The following CLEC2A variants were observed in gnomAD, a reference collection of about 807,000 sequenced individuals.
The protein encoded by CLEC2A is C-type lectin domain family 2 member A.
A neutral mutation model predicts 18.6 loss-of-function variants in CLEC2A; 19 were observed. That is an observed-to-expected ratio of 1.02 (90% CI 0.71 to 1.50). The LOEUF is 1.50. Ranked by LOEUF, CLEC2A falls within the 40% of genes most tolerant of loss-of-function variation. The pLI is 0.00. For synonymous variants in CLEC2A, 74 were observed against 64.0 expected (o/e 1.16, Z -0.75); for missense variants, 190 against 207.9 (o/e 0.91, Z 0.53).
At chr12:9,929,299 C>G (rs972073313) in intron 1 of CLEC2A, among the ~76,000 whole-genome samples, 1 of 152,082 alleles carries the variant, frequency 6.6e-6, no homozygotes, top group African/African-American at 2.4e-5. Context: ...TTGTACTACA[C>G]TATTGCTAAA....
the CLEC2A span, among the ~76,000 whole-genome samples, chr12:9,890,357 T>A: frequency 2.0e-5 from 3 of 152,200 alleles, no homozygotes; most frequent in Non-Finnish European, 2.9e-5. Context: ...TCACAGGCAA[T>A]GCAGTGTAGA....
In CLEC2A at chr12:9,915,012, GA is replaced by G. The variant is rs563682899; in HGVS notation, c.411-1333del. Among the ~76,000 whole-genome samples, 62 of 150,292 alleles carry G rather than the reference GA, an allele frequency of 4.1e-4. 1 individual carries two copies. The highest frequency in any genetic ancestry group is 1.1e-3 in the African/African-American group (45 of 40,922). ...ACAAGGAACTTAAATAAATTTATAA[GA>G]AAAAAAACATCAAAAAGTAGGCAAA... On this transcript the variant is annotated intron_variant, in intron 4 of 4. Coordinates refer to ENST00000455827, the MANE Select transcript of CLEC2A (RefSeq NM_001130711.2).
downstream of CLEC2A, among the ~76,000 whole-genome samples, chr12:9,912,854 T>G (rs988935263): frequency 6.6e-6 from 1 of 152,210 alleles, no homozygotes; most frequent in African/African-American, 2.4e-5. Flanking sequence ...GCTTCCCACC[T>G]GCCTGTCTCA....
intron 2 of CLEC2A, among the ~76,000 whole-genome samples, chr12:9,923,524 T>A (rs376758388): frequency 6.6e-6 from 1 of 152,144 alleles, no homozygotes; most frequent in Non-Finnish European, 1.5e-5. Context: ...GTGTGGCGAT[T>A]CCTCAGGGAT....
At chr12:9,892,975 G>C in the CLEC2A span, 3 of 1,424,030 alleles carry the variant, frequency 2.1e-6, no homozygotes, top group Non-Finnish European at 2.8e-6. Context: ...TATCTTCCCT[G>C]TTGGCTGTAA....
intron 3 of CLEC2A, among the ~76,000 whole-genome samples, chr12:9,920,156 G>T (rs937079223): frequency 3.3e-5 from 5 of 152,208 alleles, no homozygotes; most frequent in Non-Finnish European, 5.9e-5. Flanking sequence ...GTCCTATCCT[G>T]TGAGATGCCA....
At chr12:9,926,524 G>A (rs551703922) in intron 1 of CLEC2A, among the ~76,000 whole-genome samples, 181 bp from the exon 2 acceptor site, 1 of 152,276 alleles carries the variant, frequency 6.6e-6, no homozygotes, top group East Asian at 1.9e-4. Flanking sequence ...ACCAAAAAAT[G>A]ATTGCTATAG....
the CLEC2A span, among the ~76,000 whole-genome samples, chr12:9,878,770 T>C: frequency 6.6e-6 from 1 of 152,116 alleles, no homozygotes; most frequent in African/African-American, 2.4e-5. Flanking sequence ...AGTTTTAAAG[T>C]TGCTACCTTT....
the CLEC2A span, chr12:9,888,744 G>A: frequency 6.7e-7 from 1 of 1,500,882 alleles, no homozygotes; most frequent in Non-Finnish European, 9.0e-7. Flanking sequence ...TAAAAAAATG[G>A]ATTTCTCCCA....
At chr12:9,915,525 A>T (rs1186916779) in intron 4 of CLEC2A, among the ~76,000 whole-genome samples, 1 of 152,210 alleles carries the variant, frequency 6.6e-6, no homozygotes, top group Non-Finnish European at 1.5e-5. Context: ...GTTCAACCAT[A>T]AAAAAGAATG....
chr12:9,916,841 T>C (rs1434525875), intron 3 of CLEC2A, 38 bp from the exon 4 acceptor site: 5 of 1,228,362 alleles, frequency 4.1e-6, no homozygotes, highest in African/African-American at 1.5e-5. Flanking sequence ...TTACTTAATA[T>C]GTTACAGCAC....
At chr12:9,923,894 C>G (rs375511119) in intron 2 of CLEC2A, among the ~76,000 whole-genome samples, 7 of 151,584 alleles carry the variant, frequency 4.6e-5, no homozygotes, top group African/African-American at 1.7e-4. Context: ...CACATGGACA[C>G]AGGGACGGGA....
intron 3 of CLEC2A, among the ~76,000 whole-genome samples, chr12:9,920,220 T>C (rs1429843137): frequency 6.6e-6 from 1 of 152,158 alleles, no homozygotes; most frequent in African/African-American, 2.4e-5. Flanking sequence ...TCAGCCCCTT[T>C]ACTAGGGATG....
At chr12:9,909,147 G>A (rs1011778253), downstream of CLEC2A, among the ~76,000 whole-genome samples, 8 of 151,950 alleles carry the variant, frequency 5.3e-5, no homozygotes, top group African/African-American at 1.9e-4. Flanking sequence ...TTTTTCATTT[G>A]CTCCTTTAAT....
At chr12:9,915,076 GC>G (rs1159206264) in intron 4 of CLEC2A, among the ~76,000 whole-genome samples, 1 of 151,926 alleles carries the variant, frequency 6.6e-6, no homozygotes, top group Non-Finnish European at 1.5e-5. Context: ...AGACATTTAT[GC>G]AGCCAACAAA....
At chr12:9,911,334 G>T (rs940936510), downstream of CLEC2A, among the ~76,000 whole-genome samples, 3 of 152,158 alleles carry the variant, frequency 2.0e-5, no homozygotes, top group Admixed American at 2.0e-4. Flanking sequence ...GAGAGTACAA[G>T]AAGGTTGAGC....
intron 1 of CLEC2A, among the ~76,000 whole-genome samples, chr12:9,930,760 T>G (rs920349009): frequency 2.9e-4 from 44 of 152,086 alleles, no homozygotes; most frequent in Non-Finnish European, 6.2e-4. Context: ...CTGTTTCAGA[T>G]TCTTGTTATC....
At chr12:9,880,627 A>G in the CLEC2A span, among the ~76,000 whole-genome samples, 76,257 of 151,972 alleles carry the variant, frequency 0.5, 20,906 homozygotes, top group Non-Finnish European at 0.63. Context: ...GAGCATGGAC[A>G]GACTGGGTAC....
At chr12:9,885,338 T>C in the CLEC2A span, among the ~76,000 whole-genome samples, 1 of 150,744 alleles carries the variant, frequency 6.6e-6, no homozygotes, top group African/African-American at 2.4e-5. Context: ...TTTAAGTATA[T>C]ATATATATAT....
Sources: gnomAD v4.1 joint callset for allele counts (sites outside exome capture counted in the v4.1 genomes callset) on GRCh38, gnomAD v4.1.1 for gene constraint, MANE v1.5 for transcripts, NCBI Gene and HGNC (gene_info 2026-07-23, HGNC 2026-07-21) for gene names.